ASIC2: variants seen among roughly 807,000 people sequenced by gnomAD.
The protein encoded by ASIC2 is acid sensing ion channel subunit 2, also known as acid-sensing ion channel 2.
Under a neutral mutation model 57.3 loss-of-function variants are expected in ASIC2, and 25 were observed. The observed-to-expected ratio is 0.44, with a 90% CI of 0.32 to 0.61. The LOEUF is 0.61. Among genes scored for constraint, ASIC2 ranks in the 20% least tolerant of loss-of-function variants. The probability of loss-of-function intolerance (pLI) is 0.06; values close to 1 mark genes in which losing one functional copy is unlikely to be tolerated. For missense variants in ASIC2, 641 were observed against 738.1 expected, an observed-to-expected ratio of 0.87 and a Z score of 1.52; for synonymous variants, 319 against 307.5, an observed-to-expected ratio of 1.04 and a Z score of -0.39.
At chr17:33,658,744 C>T (rs1435435732) in intron 1 of ASIC2, among the ~76,000 whole-genome samples, 1 of 152,182 alleles carries the variant, frequency 6.6e-6, no homozygotes, top group East Asian at 1.9e-4. Context: ...ACCTGTAATC[C>T]CAGTGCTTTG....
intron 1 of ASIC2, among the ~76,000 whole-genome samples, chr17:33,123,887 C>A (rs1020455022): frequency 2.0e-5 from 3 of 152,084 alleles, no homozygotes; most frequent in Admixed American, 2.0e-4. Flanking sequence ...AAGAGGGGAT[C>A]AGAAGTGTGT....
At chr17:33,098,121 C>T (rs1439803607) in intron 2 of ASIC2, among the ~76,000 whole-genome samples, 3 of 152,170 alleles carry the variant, frequency 2.0e-5, no homozygotes, top group African/African-American at 4.8e-5. Context: ...GCTGATCTCT[C>T]AGGTTACTTT....
At chr17:33,777,963 A>C (rs111951847) in intron 1 of ASIC2, among the ~76,000 whole-genome samples, 2 of 152,120 alleles carry the variant, frequency 1.3e-5, no homozygotes, top group Non-Finnish European at 2.9e-5. Flanking sequence ...CCTTATTTCC[A>C]CGATGGGCTG....
intron 1 of ASIC2, among the ~76,000 whole-genome samples, chr17:34,026,998 T>C (rs1907400887): frequency 6.6e-6 from 1 of 152,160 alleles, no homozygotes; most frequent in Non-Finnish European, 1.5e-5. Flanking sequence ...TTAACAAAAT[T>C]ACCCAGGAAT....
intron 1 of ASIC2, among the ~76,000 whole-genome samples, chr17:33,657,757 T>TTAA (rs1555550154): frequency 9.7e-6 from 1 of 103,500 alleles, no homozygotes; most frequent in Admixed American, 1.1e-4. Context: ...TGGCAGTTTC[T>TTAA]AAAAAAAAAA....
intron 1 of ASIC2, among the ~76,000 whole-genome samples, chr17:33,371,398 G>A (rs1909053123): frequency 6.6e-6 from 1 of 152,204 alleles, no homozygotes; most frequent in Non-Finnish European, 1.5e-5. Context: ...ATTGCTGAAA[G>A]CAAGAGGCTC....
At chr17:33,477,178 G>T (rs2056114573) in intron 1 of ASIC2, among the ~76,000 whole-genome samples, 1 of 152,060 alleles carries the variant, frequency 6.6e-6, no homozygotes. Flanking sequence ...TATATACTCA[G>T]AATTGCTGGG....
intron 1 of ASIC2, among the ~76,000 whole-genome samples, chr17:33,274,432 T>C (rs1430500737): frequency 6.6e-6 from 1 of 152,200 alleles, no homozygotes; most frequent in Non-Finnish European, 1.5e-5. Flanking sequence ...CAACATTCAC[T>C]GGTAAGAGGA....
intron 1 of ASIC2, among the ~76,000 whole-genome samples, chr17:34,144,777 T>A (rs1912373058): frequency 6.6e-6 from 1 of 152,194 alleles, no homozygotes; most frequent in Admixed American, 6.5e-5. Context: ...TATGTTATTA[T>A]CTCAAGTGCC....
chr17:33,866,505 T>G lies in ASIC2; in HGVS notation c.555+289473A>C, dbSNP rs1169558814. On this transcript the variant is annotated intron_variant, in intron 1 of 9. Coordinates refer to the ASIC2 transcript ENST00000359872. ...CATTTATCTCTGAGCACTTATGTGA[T>G]TATTCCTTAGGATGAATTCCTAGGA... Among the ~76,000 whole-genome samples, 3 of 152,320 alleles carry G rather than the reference T, an allele frequency of 2.0e-5. No individual in the cohort carries two copies. The South Asian group carries it at 6.2e-4, about 32-fold the overall frequency.
At chr17:33,165,904 T>C (rs1905291815) in intron 1 of ASIC2, among the ~76,000 whole-genome samples, 1 of 152,172 alleles carries the variant, frequency 6.6e-6, no homozygotes, top group African/African-American at 2.4e-5. Context: ...AATTATTTAT[T>C]GGAGACCAAT....
At chr17:33,802,751 C>T (rs1414716165) in intron 1 of ASIC2, among the ~76,000 whole-genome samples, 6 of 152,212 alleles carry the variant, frequency 3.9e-5, no homozygotes, top group East Asian at 3.8e-4. Context: ...TTTTGTCTGC[C>T]GTTGGCCTAG....
chr17:33,972,960 G>C (rs537545897), intron 1 of ASIC2, among the ~76,000 whole-genome samples: 1 of 152,366 alleles, frequency 6.6e-6, no homozygotes, highest in South Asian at 2.1e-4. Context: ...GACTGAAAGA[G>C]GGATGTGCTG....
intron 1 of ASIC2, among the ~76,000 whole-genome samples, chr17:34,029,902 T>C: frequency 6.6e-6 from 1 of 152,156 alleles, no homozygotes; most frequent in East Asian, 1.9e-4. Context: ...CCTGGCAGAT[T>C]TGATCACCCC....
chr17:34,039,920 G>A (rs1016161943), intron 1 of ASIC2: 1 of 1,496,182 alleles, frequency 6.7e-7, no homozygotes, highest in African/African-American at 1.4e-5. Flanking sequence ...TCCCTGGAGG[G>A]ACCCCGACCC....
chr17:34,092,347 C>T (rs985866122), intron 1 of ASIC2, among the ~76,000 whole-genome samples: 2 of 152,180 alleles, frequency 1.3e-5, no homozygotes, highest in Admixed American at 1.3e-4. Context: ...TGATGGGCTC[C>T]AGCTCCTTTA....
chr17:33,207,919 G>A (rs983575957), intron 1 of ASIC2, among the ~76,000 whole-genome samples: 3 of 152,166 alleles, frequency 2.0e-5, no homozygotes, highest in African/African-American at 7.2e-5. Context: ...CCTGGTTTTG[G>A]TTGTTTTTCT....
chr17:34,013,685 G>A (rs921264354), intron 1 of ASIC2, among the ~76,000 whole-genome samples: 1 of 152,176 alleles, frequency 6.6e-6, no homozygotes, highest in African/African-American at 2.4e-5. Flanking sequence ...GCTCTGAGAG[G>A]GTAAGTCGCT....
intron 1 of ASIC2, among the ~76,000 whole-genome samples, chr17:33,640,479 A>G (rs1414102925): frequency 6.6e-6 from 1 of 152,242 alleles, no homozygotes; most frequent in Non-Finnish European, 1.5e-5. Flanking sequence ...TAGACAGCCA[A>G]TCTCACAGAG....
Sources: gnomAD v4.1 joint callset for allele counts (sites outside exome capture counted in the v4.1 genomes callset) on GRCh38, gnomAD v4.1.1 for gene constraint, MANE v1.5 for transcripts, NCBI Gene and HGNC (gene_info 2026-07-23, HGNC 2026-07-21) for gene names.